The following LPCAT2 variants were observed in gnomAD, a reference collection of about 807,000 sequenced individuals.
The protein encoded by LPCAT2 is lysophosphatidylcholine acyltransferase 2, also known as 1-AGP acyltransferase 11.
LPCAT2 carries 58 observed loss-of-function variants against 64.7 expected under a neutral mutation model. The observed-to-expected ratio is 0.90, with a 90% CI of 0.73 to 1.12. LPCAT2 has a LOEUF of 1.12. LPCAT2 is among the 50% of genes most tolerant of loss of function. The pLI, the probability that LPCAT2 is intolerant of heterozygous loss-of-function variation, is 0.00. For synonymous variants in LPCAT2, 252 were observed against 245.3 expected (o/e 1.03, Z -0.26); for missense variants, 579 against 669.8 (o/e 0.86, Z 1.50).
At chr16:55,543,773 A>G (rs550790559) in intron 8 of LPCAT2, among the ~76,000 whole-genome samples, 3 of 152,194 alleles carry the variant, frequency 2.0e-5, no homozygotes, top group African/African-American at 7.2e-5. Context: ...AAATTTTTTC[A>G]TTTGACAGGA....
At chr16:55,559,577 G>A (rs907612333) in intron 11 of LPCAT2, among the ~76,000 whole-genome samples, 3 of 152,096 alleles carry the variant, frequency 2.0e-5, no homozygotes, top group Admixed American at 6.6e-5. Context: ...TGAGAGTTAG[G>A]ACAGGGCACT....
rs1258893977 is a variant in LPCAT2, at chr16:55,509,298, G to T, written c.117G>T (p.Pro39=). ...VPRQASFFPP[P]VPNPFVQQTQ... ...GTCAGGCGTCCTTCTTCCCGCCGCC[G>T]GTGCCGAACCCCTTCGTGCAGCAGA... The change falls in exon 1 of 14, where the codon CCG becomes CCT. Residue 39 remains proline (P), a synonymous_variant. Transcript: ENST00000262134. 7 of 1,513,384 alleles carry T rather than the reference G, an allele frequency of 4.6e-6. No homozygotes were observed. Among genetic ancestry groups the T allele is most frequent in the Non-Finnish European group, 6.2e-6 (7 of 1,123,176 alleles). 93.7% of individuals were successfully genotyped at this position (1,513,384 alleles called of 1,614,324 possible).
At chr16:55,548,004 G>T (rs1963473483) in intron 9 of LPCAT2, among the ~76,000 whole-genome samples, 1 of 152,168 alleles carries the variant, frequency 6.6e-6, no homozygotes, top group Non-Finnish European at 1.5e-5. Flanking sequence ...CTGACCTCGG[G>T]TGATCCGCCT....
At chr16:55,567,553 CTTGCCAAGCTGTACACAGT>C in intron 11 of LPCAT2, 1 of 1,567,578 alleles carries the variant, frequency 6.4e-7, no homozygotes, top group South Asian at 1.2e-5. Context: ...GACTGAAAAC[CTTGCCAAGCTGTACACAGT>C]TGCTGATACC....
At chr16:55,527,735 T>C (rs575825341) in intron 2 of LPCAT2, among the ~76,000 whole-genome samples, 5 of 152,310 alleles carry the variant, frequency 3.3e-5, no homozygotes, top group African/African-American at 1.2e-4. Context: ...AAAAAGTAGT[T>C]TCTGGAATTG....
chr16:55,536,124 A>G (rs1287986573), intron 7 of LPCAT2, among the ~76,000 whole-genome samples: 2 of 152,200 alleles, frequency 1.3e-5, no homozygotes, highest in African/African-American at 4.8e-5. Context: ...TCTACTTAAT[A>G]TTATTAGCAC....
chr16:55,558,124 T>G (rs572834889), intron 11 of LPCAT2, among the ~76,000 whole-genome samples: 1 of 152,248 alleles, frequency 6.6e-6, no homozygotes, highest in East Asian at 1.9e-4. Context: ...AATGTCCAGA[T>G]GAGTGAGAGC....
At chr16:55,562,996 A>G (rs1480948136) in intron 11 of LPCAT2, among the ~76,000 whole-genome samples, 1 of 151,846 alleles carries the variant, frequency 6.6e-6, no homozygotes, top group Non-Finnish European at 1.5e-5. Context: ...TCAAAAATAT[A>G]CTGTTGAGGG....
At chr16:55,564,538 C>T (rs182887698) in intron 11 of LPCAT2, among the ~76,000 whole-genome samples, 88 of 151,950 alleles carry the variant, frequency 5.8e-4, no homozygotes, top group Non-Finnish European at 1.2e-3. Flanking sequence ...CAGAAGAAAC[C>T]CTTGTGTATA....
intron 11 of LPCAT2, among the ~76,000 whole-genome samples, chr16:55,571,231 C>G (rs1047264229): frequency 1.3e-5 from 2 of 152,138 alleles, no homozygotes; most frequent in African/African-American, 4.8e-5. Flanking sequence ...ACCTGAGAAT[C>G]AGACACATGA....
At chr16:55,542,073 C>T (rs1963405122) in intron 8 of LPCAT2, 1 of 801,302 alleles carries the variant, frequency 1.2e-6, no homozygotes, top group African/African-American at 1.8e-5. Flanking sequence ...AAGGAATGTG[C>T]TTGATGTAGT....
At chr16:55,516,090 G>C (rs1963007090) in intron 1 of LPCAT2, among the ~76,000 whole-genome samples, 1 of 152,080 alleles carries the variant, frequency 6.6e-6, no homozygotes, top group East Asian at 1.9e-4. Context: ...CTTCCTAAGA[G>C]AGACACACTT....
Position 55,529,839 on chromosome 16 carries a change from G to A in LPCAT2, c.534G>A (p.Leu178=). Residue 178 remains leucine, a synonymous_variant, in exon 4 of 14, where the codon CTG becomes CTA. Coordinates refer to ENST00000262134, the MANE Select transcript of LPCAT2 (RefSeq NM_017839.5). ...AACTTTTCATTTGTTTTAAAGGACTGTTACGGGCTGTGCAACCAGTTTTGG... is the reference window on the plus strand; with the variant it reads ...AACTTTTCATTTGTTTTAAAGGACTATTACGGGCTGTGCAACCAGTTTTGG... ...ENAQVPLIGR[L]LRAVQPVLVS... is the part of the protein sequence containing the mutation. The A allele has an allele frequency of 6.2e-7, 1 of 1,606,692 alleles. No individual in the cohort carries two copies. Among genetic ancestry groups the A allele is most frequent in the Non-Finnish European group, 8.5e-7 (1 of 1,176,288 alleles).
chr16:55,527,234 C>T (rs1366551376), intron 2 of LPCAT2, among the ~76,000 whole-genome samples: 1 of 151,924 alleles, frequency 6.6e-6, no homozygotes, highest in Non-Finnish European at 1.5e-5. Flanking sequence ...AGATGAGAAT[C>T]CTATTTTTAA....
chr16:55,552,910 T>C (rs73551719), intron 11 of LPCAT2, among the ~76,000 whole-genome samples: 10,507 of 152,264 alleles, frequency 0.069, 493 homozygotes, highest in African/African-American at 0.12. Context: ...CAATGAAGTT[T>C]GCTGCATTGA....
Position 55,509,086 on chromosome 16 carries a change from G to A in LPCAT2, c.-96G>A. ...AGCGCCTGCGCAGAGGCTCCCCAGCGTCGCCCTAGGCTGGGACTCTAGTAG... is the reference window on the plus strand; with the variant it reads ...AGCGCCTGCGCAGAGGCTCCCCAGCATCGCCCTAGGCTGGGACTCTAGTAG... On this transcript the variant is annotated 5_prime_UTR_variant, in exon 1 of 14. Coordinates refer to ENST00000262134, the MANE Select transcript of LPCAT2 (RefSeq NM_017839.5). The A allele has an allele frequency of 2.8e-6, 3 of 1,088,896 alleles. No individual in the cohort carries two copies. The highest frequency in any genetic ancestry group is 3.6e-6 in the Non-Finnish European group (3 of 845,056). The allele number at this position is 1,088,896 out of a possible 1,614,324, so 67.5% of individuals were successfully genotyped here.
intron 1 of LPCAT2, among the ~76,000 whole-genome samples, chr16:55,516,353 C>T (rs144711151): frequency 3.4e-4 from 52 of 152,330 alleles, no homozygotes; most frequent in African/African-American, 1.2e-3. Flanking sequence ...AGTCTTTCCA[C>T]CTTGGCTTCC....
intron 1 of LPCAT2, among the ~76,000 whole-genome samples, chr16:55,519,835 C>T (rs1324062003): frequency 6.6e-6 from 1 of 152,046 alleles, no homozygotes; most frequent in Non-Finnish European, 1.5e-5. Context: ...ACTCTGAGTA[C>T]ATTGTCTTAT....
intron 11 of LPCAT2, among the ~76,000 whole-genome samples, chr16:55,573,552 T>G (rs1441344068): frequency 6.6e-6 from 1 of 152,178 alleles, no homozygotes; most frequent in Non-Finnish European, 1.5e-5. Context: ...TTATTATTAG[T>G]CTATCAAATT....
Sources: gnomAD v4.1 joint callset for allele counts (sites outside exome capture counted in the v4.1 genomes callset) on GRCh38, gnomAD v4.1.1 for gene constraint, MANE v1.5 for transcripts, NCBI Gene and HGNC (gene_info 2026-07-23, HGNC 2026-07-21) for gene names.